Variants in SMYD4 observed in about 807,000 individuals in gnomAD.
The protein encoded by SMYD4 is SET and MYND domain containing 4, also known as protein-lysine N-methyltransferase SMYD4.
A neutral mutation model predicts 72.8 loss-of-function variants in SMYD4; 68 were observed. The ratio of observed to expected loss-of-function variants is 0.93; its 90% CI spans 0.77 to 1.14. SMYD4 has a LOEUF of 1.14. Ranked by LOEUF, SMYD4 falls within the 50% of genes most tolerant of loss-of-function variation. SMYD4 has a pLI of 0.00. For missense variants in SMYD4, 984 were observed against 1,003.7 expected, an observed-to-expected ratio of 0.98 and a Z score of 0.27; for synonymous variants, 407 against 388.6, an observed-to-expected ratio of 1.05 and a Z score of -0.56.
intron 5 of SMYD4, among the ~76,000 whole-genome samples, chr17:1,794,081 G>GTGTATATATATATATATATA (rs1454228796): frequency 2.9e-4 from 5 of 17,124 alleles, no homozygotes; most frequent in East Asian, 1.1e-3. Flanking sequence ...ATATATATGT[G>GTGTATATATATATATATATA]TATATATATA....
Position 1,800,145 on chromosome 17 carries a change from TC to T in SMYD4, c.1248del (p.Lys417SerfsTer38). Reference sequence around the variant, plus strand: ...ACAGCATTATAATTATTTTCATACTTCCCATTAATATCGCATCCAGGAATTG... The same window carrying T: ...ACAGCATTATAATTATTTTCATACTTCCATTAATATCGCATCCAGGAATTG... ...ETPIPGCDIN[G>X]KYENNYNAVF... On this transcript the variant is annotated frameshift_variant, in exon 5 of 11. Coordinates refer to ENST00000305513, the MANE Select transcript of SMYD4 (RefSeq NM_052928.3). LOFTEE classifies it high-confidence loss of function. The T allele has an allele frequency of 1.2e-6, 2 of 1,610,858 alleles. No homozygotes were observed. The highest frequency in any genetic ancestry group is 1.7e-6 in the Non-Finnish European group (2 of 1,178,112).
intron 4 of SMYD4, among the ~76,000 whole-genome samples, chr17:1,801,625 G>GAAAA (rs551608562): frequency 3.3e-5 from 3 of 89,992 alleles, no homozygotes; most frequent in Non-Finnish European, 6.4e-5. Flanking sequence ...GGCAGGCTTT[G>GAAAA]AAAAAAAAAA....
chr17:1,816,749 T>C (rs959184818), intron 2 of SMYD4, among the ~76,000 whole-genome samples: 1 of 151,724 alleles, frequency 6.6e-6, no homozygotes, highest in African/African-American at 2.4e-5. Flanking sequence ...GATCGCACAC[T>C]ATGGCCTTTT....
chr17:1,827,858 T>C lies in SMYD4; in HGVS notation c.134+3A>G. 6.3e-7 allele frequency: 1 copy of C among 1,595,200 alleles called. No homozygotes were observed. The highest frequency in any genetic ancestry group is 8.6e-7 in the Non-Finnish European group (1 of 1,164,576). On this transcript the variant is annotated splice_donor_region_variant and intron_variant, in intron 2 of 10. Coordinates refer to ENST00000305513, the MANE Select transcript of SMYD4 (RefSeq NM_052928.3). ...TTCCCTTGTTAAAGCTTGATTTACT[T>C]ACTGAAGAAGTGAAGAGGAGTGAAG... is the stretch of plus-strand genomic sequence containing the variant.
At chr17:1,815,602 G>A (rs112085908) in intron 2 of SMYD4, among the ~76,000 whole-genome samples, 1,968 of 148,392 alleles carry the variant, frequency 0.013, 46 homozygotes, top group African/African-American at 0.045. Flanking sequence ...GGGCTACAGT[G>A]AGCTACGATC....
intron 1 of SMYD4, 135 bp from the exon 2 acceptor site, chr17:1,828,141 G>C: frequency 1.4e-6 from 1 of 737,764 alleles, no homozygotes; most frequent in South Asian, 1.8e-5. Context: ...ACGAGGTCAG[G>C]AGATGGAGAC....
chr17:1,796,215 C>T (rs919773376), intron 5 of SMYD4, among the ~76,000 whole-genome samples: 1 of 151,848 alleles, frequency 6.6e-6, no homozygotes, highest in Non-Finnish European at 1.5e-5. Flanking sequence ...CTCACTGAAG[C>T]CTCGAACTCT....
Position 1,800,516 on chromosome 17 carries a change from TC to T in SMYD4, c.877del (p.Asp293ThrfsTer8), listed in dbSNP as rs775779789. The T allele has an allele frequency of 6.2e-7, 1 of 1,613,994 alleles. No homozygotes were observed. The highest frequency in any genetic ancestry group is 1.7e-5 in the Admixed American group (1 of 59,980). ...CTTCAAACATCGGTGACAATAGAGG[TC>T]CCCATTGGTGACTCTGGTGTCCCAT... ...SKWDTRVTNG[D>X]LYCHRCLKHT... On this transcript the variant is annotated frameshift_variant, in exon 5 of 11. Transcript: ENST00000305513. LOFTEE classifies it high-confidence loss of function.
chr17:1,799,826 T>A, intron 5 of SMYD4, 31 bp downstream of exon 5: 1 of 1,522,236 alleles, frequency 6.6e-7, no homozygotes, highest in Non-Finnish European at 8.8e-7. Flanking sequence ...AGAACAATAT[T>A]GAAAAGCAGG....
intron 2 of SMYD4, among the ~76,000 whole-genome samples, chr17:1,823,255 G>A (rs1381901536): frequency 2.7e-5 from 4 of 150,928 alleles, no homozygotes; most frequent in Admixed American, 1.3e-4. Flanking sequence ...TTAGCTGGGC[G>A]TGGTGGCAGG....
chr17:1,793,900 A>C (rs1460402718), intron 5 of SMYD4, among the ~76,000 whole-genome samples: 1 of 148,036 alleles, frequency 6.8e-6, no homozygotes, highest in Non-Finnish European at 1.5e-5. Flanking sequence ...GGCTCACTGC[A>C]ACCTCCACCT....
At chr17:1,785,493 C>T (rs1908633722) in intron 7 of SMYD4, among the ~76,000 whole-genome samples, 1 of 151,400 alleles carries the variant, frequency 6.6e-6, no homozygotes, top group Admixed American at 6.6e-5. Context: ...TGGCTCACGC[C>T]TGTAATCCCA....
At chr17:1,785,777 A>AAAAAAAAAAAAAAAAAG (rs1567765259) in intron 7 of SMYD4, among the ~76,000 whole-genome samples, 1 of 12,792 alleles carries the variant, frequency 7.8e-5, no homozygotes, top group African/African-American at 2.5e-4. Context: ...AAAAAAAAAG[A>AAAAAAAAAAAAAAAAAG]AAAAAAAAAA....
At chr17:1,789,857 G>C (rs928633935) in intron 5 of SMYD4, among the ~76,000 whole-genome samples, 2 of 151,636 alleles carry the variant, frequency 1.3e-5, no homozygotes, top group African/African-American at 4.8e-5. Context: ...TTGCTAAGGA[G>C]AACAAGAATA....
At chr17:1,796,299 G>GTTT (rs35650939) in intron 5 of SMYD4, among the ~76,000 whole-genome samples, 32,095 of 109,232 alleles carry the variant, frequency 0.29, 6,889 homozygotes, top group Non-Finnish European at 0.41. Context: ...ATGCCTGGCT[G>GTTT]TTTTTTTTTT....
chr17:1,784,651 T>A, intron 7 of SMYD4, 190 bp from the exon 8 acceptor site: 1 of 810,022 alleles, frequency 1.2e-6, no homozygotes, highest in Non-Finnish European at 1.5e-6. Context: ...TAATGAAGTG[T>A]ATCAGCAGTA....
chr17:1,803,811 C>G (rs1909893336), intron 4 of SMYD4, among the ~76,000 whole-genome samples: 1 of 151,004 alleles, frequency 6.6e-6, no homozygotes, highest in Non-Finnish European at 1.5e-5. Flanking sequence ...ATAGCTCTTT[C>G]TTGTCAATCA....
At chr17:1,828,458 T>C (rs1474503218) in intron 1 of SMYD4, among the ~76,000 whole-genome samples, 1 of 152,104 alleles carries the variant, frequency 6.6e-6, no homozygotes, top group African/African-American at 2.4e-5. Context: ...GAAGGATCTA[T>C]ATTTTCTCAC....
intron 5 of SMYD4, among the ~76,000 whole-genome samples, chr17:1,789,719 C>A (rs1047029276): frequency 3.5e-5 from 5 of 141,954 alleles, no homozygotes; most frequent in Non-Finnish European, 6.1e-5. Context: ...GAGCCGAGAT[C>A]GCACCACTGC....
Sources: gnomAD v4.1 joint callset for allele counts (sites outside exome capture counted in the v4.1 genomes callset) on GRCh38, gnomAD v4.1.1 for gene constraint, MANE v1.5 for transcripts, NCBI Gene and HGNC (gene_info 2026-07-23, HGNC 2026-07-21) for gene names.